CCDC33: variants seen among roughly 807,000 people sequenced by gnomAD.
The protein encoded by CCDC33 is coiled-coil domain-containing protein 33.
In CCDC33, 94 loss-of-function variants were observed where a neutral mutation model predicts 91.9. The observed-to-expected ratio is 1.02, with a 90% CI of 0.87 to 1.21. The LOEUF is 1.21. Among genes scored for constraint, CCDC33 ranks in the 50% most tolerant of loss-of-function variants. The probability of loss-of-function intolerance (pLI) is 0.00; values close to 1 mark genes in which losing one functional copy is unlikely to be tolerated. For synonymous variants in CCDC33, 396 were observed against 374.5 expected (o/e 1.06, Z -0.66); for missense variants, 940 against 935.5 (o/e 1.00, Z -0.06).
chr15:74,324,996 A>C (rs1308654025), intron 11 of CCDC33, among the ~76,000 whole-genome samples: 3 of 101,386 alleles, frequency 3.0e-5, no homozygotes, highest in African/African-American at 7.8e-5. Flanking sequence ...ACAGGCATGC[A>C]CCTCCTCCAC....
At chr15:74,214,903 GCATT>G (rs1178173908), upstream of CCDC33, among the ~76,000 whole-genome samples, 23 of 152,348 alleles carry the variant, frequency 1.5e-4, no homozygotes, top group Non-Finnish European at 2.8e-4. Context: ...ATTCATTCAT[GCATT>G]CATTCATTTA....
intron 2 of CCDC33, among the ~76,000 whole-genome samples, chr15:74,211,197 C>T (rs2074364361): frequency 2.0e-5 from 3 of 151,448 alleles, no homozygotes; most frequent in Admixed American, 1.3e-4. Context: ...CTGCTTTTTC[C>T]CCCAAGAACA....
chr15:74,325,227 C>T (rs527402613), intron 11 of CCDC33, among the ~76,000 whole-genome samples: 1 of 143,160 alleles, frequency 7.0e-6, no homozygotes, highest in East Asian at 2.0e-4. Flanking sequence ...CACTGGCCTG[C>T]AGGATGGAAT....
intron 11 of CCDC33, among the ~76,000 whole-genome samples, chr15:74,308,913 G>A (rs531134194): frequency 2.4e-4 from 36 of 152,188 alleles, no homozygotes; most frequent in African/African-American, 7.7e-4. Context: ...GAGCTGCCAC[G>A]CTGGTAGGGA....
chr15:74,300,611 GC>G (rs1170927569), intron 11 of CCDC33: 1 of 152,232 alleles, frequency 6.6e-6, no homozygotes, highest in Non-Finnish European at 1.5e-5. Flanking sequence ...GTCTCATCAT[GC>G]ATTCCCCGGA....
At position 74,334,035 on chromosome 15, in the gene CCDC33, T is replaced by G. The variant is rs577329721; in HGVS notation, c.2025+68T>G. On this transcript the variant is annotated intron_variant, in intron 17 of 18. Coordinates refer to ENST00000398814, the MANE Select transcript of CCDC33 (RefSeq NM_025055.5). ...CACACAGCCTATAACCAGGGCTCAG[T>G]GTGTGAGCAGAGTCTAGGCTCAATC... is the stretch of plus-strand genomic sequence containing the variant. The G allele has an allele frequency of 1.2e-5, 16 of 1,369,566 alleles. No homozygotes were observed. In the East Asian group the frequency reaches 3.7e-4, roughly 32 times the overall value. The allele number at this position is 1,369,566 out of a possible 1,614,324, so 84.8% of individuals were successfully genotyped here.
intron 11 of CCDC33, among the ~76,000 whole-genome samples, chr15:74,315,064 T>C (rs2060064934): frequency 6.6e-6 from 1 of 152,140 alleles, no homozygotes; most frequent in African/African-American, 2.4e-5. Flanking sequence ...TCAGAATGTA[T>C]GAGCCAGACC....
At chr15:74,249,680 G>A (rs2075645728) in intron 2 of CCDC33, among the ~76,000 whole-genome samples, 1 of 152,142 alleles carries the variant, frequency 6.6e-6, no homozygotes, top group South Asian at 2.1e-4. Flanking sequence ...AGGAACCGGG[G>A]GAGAGACCCG....
At chr15:74,268,236 C>G in intron 4 of CCDC33, 106 bp from the exon 5 acceptor site, 2 of 787,682 alleles carry the variant, frequency 2.5e-6, no homozygotes, top group Non-Finnish European at 4.5e-6. Flanking sequence ...GGAGCCCCAG[C>G]GGAGCAATGC....
chr15:74,232,295 G>T (rs559729291), upstream of CCDC33, among the ~76,000 whole-genome samples: 1 of 152,186 alleles, frequency 6.6e-6, no homozygotes, highest in African/African-American at 2.4e-5. Context: ...CTTGAGGGGA[G>T]TTTAATAAAG....
Position 74,268,356 on chromosome 15 carries a change from GA to G in CCDC33, c.447del (p.Ala150ProfsTer50). On this transcript the variant is annotated frameshift_variant, in exon 5 of 19. Coordinates refer to ENST00000398814, the MANE Select transcript of CCDC33 (RefSeq NM_025055.5). LOFTEE classifies it high-confidence loss of function. ...CCTGTCTCCAGCCCACTGAGTCTGG[GA>G]AAGCCGATGAAGCCACTGCCAAGAC... ...FELVKPTESG[K>X]ADEATAKTQL... The G allele has an allele frequency of 6.2e-7, 1 of 1,613,596 alleles. No individual in the cohort carries two copies. The highest frequency in any genetic ancestry group is 8.5e-7 in the Non-Finnish European group (1 of 1,179,592).
At chr15:74,324,252 G>A (rs532682829) in intron 11 of CCDC33, among the ~76,000 whole-genome samples, 89 of 152,018 alleles carry the variant, frequency 5.9e-4, no homozygotes, top group Admixed American at 1.6e-3. Context: ...CTTTGCACAC[G>A]GCTCTTTTGC....
upstream of CCDC33, among the ~76,000 whole-genome samples, chr15:74,216,112 G>A (rs1363977832): frequency 6.6e-6 from 1 of 152,098 alleles, no homozygotes; most frequent in Admixed American, 6.5e-5. Flanking sequence ...CTTCAAATAT[G>A]CAAGGGAAGA....
intron 2 of CCDC33, among the ~76,000 whole-genome samples, chr15:74,229,045 G>A (rs1477661796): frequency 6.6e-6 from 1 of 152,164 alleles, no homozygotes; most frequent in Non-Finnish European, 1.5e-5. Flanking sequence ...CCAACCCTGA[G>A]GCCCTGTCCA....
Position 74,334,986 on chromosome 15 carries a change from A to G in CCDC33, c.2037A>G (p.Ser679=), listed in dbSNP as rs1212652511. 3 of 1,613,872 alleles carry G rather than the reference A, an allele frequency of 1.9e-6. No individual in the cohort carries two copies. The highest frequency in any genetic ancestry group is 2.5e-6 in the Non-Finnish European group (3 of 1,179,894). ...ILSLESQLED[S]ARRWGREKQD... ...CTCTGTGTCTGCAGTTAGAGGACTC[A>G]GCTCGACGCTGGGGACGAGAGAAGC... The change falls in exon 18 of 19, where the codon TCA becomes TCG. Residue 679 remains serine, a synonymous_variant. Transcript: ENST00000398814.
chr15:74,268,482 G>T, intron 5 of CCDC33, 24 bp downstream of exon 5: 1 of 1,465,880 alleles, frequency 6.8e-7, no homozygotes, highest in South Asian at 1.2e-5. Flanking sequence ...GGCCCTCTGG[G>T]GTGGTGGTGG....
intron 1 of CCDC33, among the ~76,000 whole-genome samples, chr15:74,240,867 ACAG>A (rs1158865710): frequency 2.0e-5 from 3 of 152,208 alleles, no homozygotes; most frequent in Non-Finnish European, 2.9e-5. Context: ...TGCTGGGATT[ACAG>A]GCGTGAGCCA....
intron 2 of CCDC33, among the ~76,000 whole-genome samples, chr15:74,224,796 G>A (rs1295767179): frequency 6.6e-6 from 1 of 152,228 alleles, no homozygotes; most frequent in African/African-American, 2.4e-5. Flanking sequence ...TGCTGTTCTA[G>A]TAATGATTTG....
At chr15:74,203,011 A>G (rs2074156723) in exon 1 of CCDC33, 3 of 985,768 alleles carry the variant, frequency 3.0e-6, no homozygotes, top group African/African-American at 1.7e-5. Flanking sequence ...ACCTGCCTTC[A>G]GCGCCTGCCC....
Sources: gnomAD v4.1 joint callset for allele counts (sites outside exome capture counted in the v4.1 genomes callset) on GRCh38, gnomAD v4.1.1 for gene constraint, MANE v1.5 for transcripts, NCBI Gene and HGNC (gene_info 2026-07-23, HGNC 2026-07-21) for gene names.